The following MFNG variants were observed in gnomAD, a reference collection of about 807,000 sequenced individuals.
The protein encoded by MFNG is MFNG O-fucosylpeptide 3-beta-N-acetylglucosaminyltransferase, also known as beta-1,3-N-acetylglucosaminyltransferase manic fringe.
MFNG carries 24 observed loss-of-function variants against 34.2 expected under a neutral mutation model. That is an observed-to-expected ratio of 0.70 (90% CI 0.51 to 0.99). The LOEUF is 0.99. Ranked by LOEUF, MFNG falls within the 50% of genes least tolerant of loss-of-function variation. The pLI is 0.00. For synonymous variants in MFNG, 158 were observed against 179.2 expected, an observed-to-expected ratio of 0.88 and a Z score of 0.94; for missense variants, 383 against 424.0, an observed-to-expected ratio of 0.90 and a Z score of 0.85.
chr22:37,474,708 G>A (rs768694900), intron 5 of MFNG, 31 bp from the exon 6 acceptor site: 4 of 1,553,136 alleles, frequency 2.6e-6, no homozygotes, highest in African/African-American at 1.4e-5. Flanking sequence ...GCAGACGCTG[G>A]CCCAGGCCCT....
chr22:37,469,899 G>A lies in MFNG; in HGVS notation c.*64C>T, dbSNP rs1387926508. The A allele has an allele frequency of 1.5e-6, 2 of 1,324,060 alleles. No individual in the cohort carries two copies. Among genetic ancestry groups the A allele is most frequent in the Admixed American group, 1.9e-5 (1 of 51,680 alleles). The allele number at this position is 1,324,060 out of a possible 1,614,324, so 82.0% of individuals were successfully genotyped here. A position where few individuals can be genotyped will look rare whatever the true frequency, so the allele number is the denominator to read the frequency against. ...AAGACACTTGCCAGGGACCCACAGT[G>A]CCACCTTGGGAGCCAAGGCACACCC... is the stretch of plus-strand genomic sequence containing the variant. On this transcript the variant is annotated 3_prime_UTR_variant, in exon 8 of 8. Transcript: ENST00000356998.
rs1921726714 is a variant in MFNG, at chr22:37,469,861, G to A, written c.*102C>T. 5.2e-6 allele frequency: 5 copies of A among 958,130 alleles called. No individual in the cohort carries two copies. Among genetic ancestry groups the A allele is most frequent in the Non-Finnish European group, 8.3e-6 (5 of 605,324 alleles). 59.4% of individuals were successfully genotyped at this position (958,130 alleles called of 1,614,324 possible). A position where few individuals can be genotyped will look rare whatever the true frequency, so the allele number is the denominator to read the frequency against. ...CCAACCACCCGAAGGCCCTGCCAGGGACTGCCTATCACAAGACACTTGCCA... is the reference window on the plus strand; with the variant it reads ...CCAACCACCCGAAGGCCCTGCCAGGAACTGCCTATCACAAGACACTTGCCA... On this transcript the variant is annotated 3_prime_UTR_variant, in exon 8 of 8. Transcript: ENST00000356998.
In MFNG at chr22:37,482,483, A is replaced by C. The variant is rs1022514019; in HGVS notation, c.256-1714T>G. Among the ~76,000 whole-genome samples, 1 of 151,138 alleles carries C rather than the reference A, an allele frequency of 6.6e-6. No individual in the cohort carries two copies. The highest frequency in any genetic ancestry group is 1.5e-5 in the Non-Finnish European group (1 of 67,796). ...CATACACACACACACACACACACGCACGTGCGCACGCCTCTGAGCCTCTGC... is the reference window on the plus strand; with the variant it reads ...CATACACACACACACACACACACGCCCGTGCGCACGCCTCTGAGCCTCTGC... On this transcript the variant is annotated intron_variant, in intron 1 of 7. Transcript: ENST00000356998. This position sits in a 1 kb window ranked among gnomAD's most constrained non-coding sequence, Gnocchi z 4.1.
At position 37,483,922 on chromosome 22, in the gene MFNG, C is replaced by G. The variant is rs1922412033; in HGVS notation, c.255+2001G>C. ...TGGGAATCCTAAGGTTGGCACAGAG[C>G]GATGGGCAGAGTTTCTTTGGAGCCA... On this transcript the variant is annotated intron_variant, in intron 1 of 7. Coordinates refer to ENST00000356998, the MANE Select transcript of MFNG (RefSeq NM_002405.4). This position sits in a 1 kb window ranked among gnomAD's most constrained non-coding sequence, Gnocchi z 4.5. 6.6e-6 allele frequency among the ~76,000 whole-genome samples: 1 copy of G among 152,174 alleles called. No individual in the cohort carries two copies. The highest frequency in any genetic ancestry group is 1.5e-5 in the Non-Finnish European group (1 of 68,034).
rs774777142 is a variant in MFNG, at chr22:37,486,141, G to A, written c.37C>T (p.Leu13Phe). The change falls in exon 1 of 8, where the codon CTC (leucine) becomes TTC (phenylalanine). Residue 13 changes from leucine to phenylalanine, a missense_variant. Physicochemically the swap from Leu to Phe is conservative, Grantham distance 22. Coordinates refer to ENST00000356998, the MANE Select transcript of MFNG (RefSeq NM_002405.4). ...AGCCCCATGCACAGGAGGGTGAGGA[G>A]GGCTCCAGCCAGGCCCCGCGGGAGC... ...CRLPRGLAGA[L>F]LTLLCMGLLC... is the part of the protein sequence containing the mutation. The A allele has an allele frequency of 1.1e-5, 17 of 1,598,598 alleles. No homozygotes were observed. The South Asian group carries it at 1.4e-4, about 14-fold the overall frequency.
intron 2 of MFNG, 74 bp downstream of exon 2, chr22:37,480,647 C>G (rs1922252812): frequency 6.9e-7 from 1 of 1,448,464 alleles, no homozygotes; most frequent in Non-Finnish European, 9.6e-7. Flanking sequence ...AACCCTCAGG[C>G]CAGGGCACAG....
chr22:37,471,724 G>A (rs1020170965), intron 7 of MFNG, among the ~76,000 whole-genome samples: 5 of 151,924 alleles, frequency 3.3e-5, no homozygotes, highest in Non-Finnish European at 5.9e-5. Flanking sequence ...CCAGCTATTC[G>A]GGAGGCTGAG....
chr22:37,470,313 A>G (rs1239849742), intron 7 of MFNG, among the ~76,000 whole-genome samples: 2 of 152,162 alleles, frequency 1.3e-5, no homozygotes, highest in Non-Finnish European at 2.9e-5. Context: ...TAAGAGACAA[A>G]TCACCCCCAC....
In MFNG at chr22:37,479,393, G is replaced by T. The variant is rs201509472; in HGVS notation, c.513C>A (p.Ser171Arg). The T allele has an allele frequency of 6.2e-7, 1 of 1,608,522 alleles. No individual in the cohort carries two copies. The highest frequency in any genetic ancestry group is 8.5e-7 in the Non-Finnish European group (1 of 1,177,296). The part of the protein sequence containing the change: ...LARDVYVGRP[S>R]LNRPIHASEP... ...CTGAGGCATGGATGGGCCGGTTCAG[G>T]CTGGGCCTTCCCACATAGACGTCGC... Residue 171 changes from serine (S) to arginine (R), a missense_variant, in exon 4 of 8, where the codon AGC (serine) becomes AGA (arginine). Physicochemically the swap from Ser to Arg is moderately radical, Grantham distance 110. Coordinates refer to ENST00000356998, the MANE Select transcript of MFNG (RefSeq NM_002405.4).
chr22:37,484,619 A>G (rs1030039660), intron 1 of MFNG: 13 of 152,396 alleles, frequency 8.5e-5, no homozygotes, highest in African/African-American at 3.1e-4. Context: ...TGATGGAGAT[A>G]AGACAGGAAA....
intron 5 of MFNG, 29 bp downstream of exon 5, chr22:37,476,867 T>G: frequency 4.4e-4 from 443 of 1,006,934 alleles, no homozygotes; most frequent in Non-Finnish European, 6.1e-4. Flanking sequence ...CCTCCCCGCC[T>G]TCCTGCCCAC....
At chr22:37,478,673 ATTT>A (rs34736336) in intron 4 of MFNG, among the ~76,000 whole-genome samples, 16 of 141,856 alleles carry the variant, frequency 1.1e-4, no homozygotes, top group Admixed American at 2.1e-4. Flanking sequence ...GTATTCAGCA[ATTT>A]TTTTTTTTTT....
Position 37,480,197 on chromosome 22 carries a change from C to G in MFNG, c.407G>C (p.Arg136Thr), listed in dbSNP as rs1334790144. ...TCCCCAGAGACCCAGGAACACTCGC[C>G]TAAGCCCACTGGCCAAGAAGGTGTC... is the stretch of plus-strand genomic sequence containing the variant. The part of the protein sequence containing the change: ...EFDTFLASGL[R>T]WFCHVDDDNY... The change falls in exon 3 of 8, where the codon AGG becomes ACG. Residue 136 changes from arginine (R) to threonine (T), a missense_variant and splice_region_variant. Coordinates refer to ENST00000356998, the MANE Select transcript of MFNG (RefSeq NM_002405.4). 2 of 1,605,760 alleles carry G rather than the reference C, an allele frequency of 1.2e-6. No homozygotes were observed. Among genetic ancestry groups the G allele is most frequent in the Admixed American group, 3.3e-5 (2 of 59,864 alleles).
Position 37,472,545 on chromosome 22 carries a change from A to G in MFNG, c.814-17T>C. On this transcript the variant is annotated splice_polypyrimidine_tract_variant and intron_variant, in intron 6 of 7. Transcript: ENST00000356998. The stretch of plus-strand genomic sequence containing the variant: ...GAGGGTGACCTGGGCAGGGAGATAG[A>G]AGAGTGTTGGGGCATCACACTGGGG... 1 of 1,577,572 alleles carries G rather than the reference A, an allele frequency of 6.3e-7. No individual in the cohort carries two copies. The highest frequency in any genetic ancestry group is 1.4e-5 in the African/African-American group (1 of 72,246).
chr22:37,478,447 G>A (rs984356877), intron 4 of MFNG, among the ~76,000 whole-genome samples: 105 of 152,324 alleles, frequency 6.9e-4, no homozygotes, highest in African/African-American at 2.3e-3. Context: ...TTAACTGGAT[G>A]TAGTGGTTTT....
rs765606428 is a variant in MFNG at position 37,469,748 on chromosome 22, G to A, written c.*215C>T. The A allele has an allele frequency of 1.5e-6, 1 of 676,144 alleles. No homozygotes were observed. The highest frequency in any genetic ancestry group is 2.8e-6 in the Non-Finnish European group (1 of 360,228). The allele number at this position is 676,144 out of a possible 1,614,324, so 41.9% of individuals were successfully genotyped here. ...CCTGGAGCCTCTCTGGCCACCACCT[G>A]GTCCACCTGGTCCCCTGGGCTGTCT... On this transcript the variant is annotated 3_prime_UTR_variant, in exon 8 of 8. Transcript: ENST00000356998.
chr22:37,479,283 A>G, intron 4 of MFNG, 62 bp downstream of exon 4: 1 of 1,483,504 alleles, frequency 6.7e-7, no homozygotes, highest in Non-Finnish European at 8.9e-7. Flanking sequence ...CCCCACCCCC[A>G]GGACCGGCCC....
Position 37,486,095 on chromosome 22 carries a change from A to C in MFNG, c.83T>G (p.Leu28Trp), listed in dbSNP as rs1015152710. ...TTGTACCCGCTGCGGGGACAGGTTC[A>C]AGTGGTACCGCAGACACAGGAGCCC... is the stretch of plus-strand genomic sequence containing the variant. ...CMGLLCLRYH[L>W]NLSPQRVQGT... Residue 28 changes from leucine to tryptophan, a missense_variant, in exon 1 of 8, where the codon TTG becomes TGG. Leu to Trp is a moderately conservative substitution (Grantham distance 61). Transcript: ENST00000356998. 1 of 1,613,110 alleles carries C rather than the reference A, an allele frequency of 6.2e-7. No homozygotes were observed. Among genetic ancestry groups the C allele is most frequent in the Non-Finnish European group, 8.5e-7 (1 of 1,179,470 alleles).
intron 4 of MFNG, among the ~76,000 whole-genome samples, chr22:37,479,096 C>T (rs1205858280): frequency 2.0e-5 from 3 of 152,194 alleles, no homozygotes; most frequent in South Asian, 2.1e-4. Flanking sequence ...CAGGACAAGC[C>T]GTGGTTCCTG....
Sources: allele counts gnomAD v4.1 joint callset (sites outside exome capture counted in the v4.1 genomes callset), GRCh38; gene constraint gnomAD v4.1.1; non-coding constraint Gnocchi (gnomAD v3.1); transcripts MANE v1.5; gene names NCBI Gene and HGNC (gene_info 2026-07-23, HGNC 2026-07-21).